The following LIFR variants were observed in gnomAD, a reference collection of about 807,000 sequenced individuals.
The protein encoded by LIFR is LIF receptor subunit alpha, also known as leukemia inhibitory factor receptor.
LIFR carries 84 observed loss-of-function variants against 122.2 expected under a neutral mutation model. The observed-to-expected ratio is 0.69, with a 90% CI of 0.58 to 0.82. The LOEUF is 0.82. Among genes scored for constraint, LIFR ranks in the 40% least tolerant of loss-of-function variants. The probability of loss-of-function intolerance (pLI) is 0.00; values close to 1 mark genes in which losing one functional copy is unlikely to be tolerated. For missense variants in LIFR, 1,294 were observed against 1,311.6 expected, an observed-to-expected ratio of 0.99 and a Z score of 0.21; for synonymous variants, 422 against 434.7, an observed-to-expected ratio of 0.97 and a Z score of 0.36.
At chr5:38,601,715 C>T (rs144283326) in intron 2 of LIFR, among the ~76,000 whole-genome samples, 1 of 152,138 alleles carries the variant, frequency 6.6e-6, no homozygotes, top group Non-Finnish European at 1.5e-5. Flanking sequence ...TTTGCGTTTC[C>T]TTTTTCACTT....
chr5:38,520,975 G>A (rs755580156), intron 5 of LIFR, among the ~76,000 whole-genome samples: 10 of 152,160 alleles, frequency 6.6e-5, no homozygotes, highest in Non-Finnish European at 1.3e-4. Context: ...TGTGGAAAAT[G>A]ACATTGGCAT....
intron 7 of LIFR, 80 bp downstream of exon 7, chr5:38,510,384 C>T (rs6451387): frequency 7.7e-7 from 1 of 1,300,494 alleles, no homozygotes; most frequent in African/African-American, 1.5e-5. Flanking sequence ...CTCCCACCCC[C>T]CCACTCCAGA....
chr5:38,540,722 T>TTTA (rs1171097591), intron 1 of LIFR, among the ~76,000 whole-genome samples: 10 of 152,016 alleles, frequency 6.6e-5, no homozygotes, highest in Non-Finnish European at 1.2e-4. Flanking sequence ...TTTAGTTTTT[T>TTTA]TTATTATTAT....
At chr5:38,490,481 A>T in intron 14 of LIFR, 190 bp from the exon 15 acceptor site, 1 of 327,778 alleles carries the variant, frequency 3.1e-6, no homozygotes, top group Non-Finnish European at 5.5e-6. Flanking sequence ...CAAAAATTAA[A>T]TTTACTTCTA....
intron 18 of LIFR, among the ~76,000 whole-genome samples, chr5:38,482,940 C>T (rs1374293655): frequency 6.6e-6 from 1 of 152,178 alleles, no homozygotes; most frequent in Non-Finnish European, 1.5e-5. Flanking sequence ...AAAATTGTGG[C>T]TGTGCCATCT....
chr5:38,476,400 A>G lies in LIFR; in HGVS notation c.*5195T>C, dbSNP rs1579981917. ...CTGAAAGTTACCCATTTAAAATGGAATAATTCTTAACGGAAGTACACTTTA... is the reference window on the plus strand; with the variant it reads ...CTGAAAGTTACCCATTTAAAATGGAGTAATTCTTAACGGAAGTACACTTTA... On this transcript the variant is annotated 3_prime_UTR_variant, in exon 20 of 20. Transcript: ENST00000453190. 2 of 208,844 alleles carry G rather than the reference A, an allele frequency of 9.6e-6. No homozygotes were observed. Among genetic ancestry groups the G allele is most frequent in the East Asian group, 1.4e-4 (2 of 13,868 alleles). The allele number at this position is 208,844 out of a possible 1,614,324, so 12.9% of individuals were successfully genotyped here.
chr5:38,528,815 T>C lies in LIFR; in HGVS notation c.168A>G (p.Val56=). 1 of 1,575,990 alleles carries C rather than the reference T, an allele frequency of 6.3e-7. No individual in the cohort carries two copies. The highest frequency in any genetic ancestry group is 8.6e-7 in the Non-Finnish European group (1 of 1,158,330). The part of the protein sequence containing the change: ...KKGAPHDLKC[V]TNNLQVWNCS... ...AGTTCCACACTTGCAAATTGTTAGT[T>C]ACACACTTCAAATCATGAGGAGCCC... The change falls in exon 3 of 20, where the codon GTA becomes GTG. Residue 56 remains valine, a synonymous_variant. Coordinates refer to ENST00000453190, the MANE Select transcript of LIFR (RefSeq NM_001127671.2).
intron 7 of LIFR, among the ~76,000 whole-genome samples, chr5:38,508,658 G>T (rs977176284): frequency 6.6e-6 from 1 of 151,852 alleles, no homozygotes; most frequent in Non-Finnish European, 1.5e-5. Context: ...CTCACTGCAA[G>T]CTCCGCCTCC....
At chr5:38,528,170 T>G (rs1039020371) in intron 3 of LIFR, among the ~76,000 whole-genome samples, 6 of 152,214 alleles carry the variant, frequency 3.9e-5, no homozygotes, top group Non-Finnish European at 8.8e-5. Flanking sequence ...CCTTTTCTGC[T>G]GAGAAAACTG....
intron 1 of LIFR, among the ~76,000 whole-genome samples, chr5:38,585,443 G>A (rs972643995): frequency 4.6e-5 from 7 of 152,152 alleles, no homozygotes; most frequent in African/African-American, 7.2e-5. Flanking sequence ...TTTGGAGGTC[G>A]CTTTAACATA....
chr5:38,580,934 GAT>G (rs1373174388), intron 1 of LIFR, among the ~76,000 whole-genome samples: 1 of 152,110 alleles, frequency 6.6e-6, no homozygotes, highest in African/African-American at 2.4e-5. Flanking sequence ...GTGGGATATG[GAT>G]TCTGGCACCC....
chr5:38,557,889 C>T (rs1182221161), upstream of LIFR: 3 of 152,128 alleles, frequency 2.0e-5, no homozygotes, highest in African/African-American at 7.2e-5. Flanking sequence ...CCCCTAAGAC[C>T]TTGTTTGGAT....
At chr5:38,570,980 T>A (rs1749190669) in intron 1 of LIFR, among the ~76,000 whole-genome samples, 1 of 152,226 alleles carries the variant, frequency 6.6e-6, no homozygotes, top group Non-Finnish European at 1.5e-5. Context: ...TGTGAGCCTC[T>A]TTTATGTACG....
At chr5:38,502,883 T>C (rs1745267401) in intron 10 of LIFR, 84 bp from the exon 11 acceptor site, 1 of 767,708 alleles carries the variant, frequency 1.3e-6, no homozygotes. Context: ...ACATACACTT[T>C]TTTTTGGTAA....
At chr5:38,566,508 C>G (rs764456981) in intron 1 of LIFR, among the ~76,000 whole-genome samples, 8 of 152,116 alleles carry the variant, frequency 5.3e-5, no homozygotes, top group Non-Finnish European at 8.8e-5. Flanking sequence ...TACTCTTGTT[C>G]ACTATTTTCC....
At chr5:38,592,757 C>A (rs1226831046) in intron 1 of LIFR, among the ~76,000 whole-genome samples, 1 of 151,100 alleles carries the variant, frequency 6.6e-6, no homozygotes, top group Non-Finnish European at 1.5e-5. Flanking sequence ...TAAACTAATA[C>A]TTTTAAAACT....
chr5:38,485,538 C>T, intron 17 of LIFR: 7 of 455,956 alleles, frequency 1.5e-5, no homozygotes, highest in South Asian at 2.6e-5. Flanking sequence ...AAATGTTGAC[C>T]GTTAGATAAA....
chr5:38,549,748 G>A (rs938800724), intron 1 of LIFR, among the ~76,000 whole-genome samples: 3 of 152,314 alleles, frequency 2.0e-5, no homozygotes, highest in Non-Finnish European at 4.4e-5. Flanking sequence ...CTGAGACTGC[G>A]CCACTGCACG....
chr5:38,568,769 G>T (rs1749112274), intron 1 of LIFR, among the ~76,000 whole-genome samples: 1 of 152,202 alleles, frequency 6.6e-6, no homozygotes, highest in Non-Finnish European at 1.5e-5. Context: ...TCAGAAGCAG[G>T]TTGAGCGTCC....
Sources: allele counts gnomAD v4.1 joint callset (sites outside exome capture counted in the v4.1 genomes callset), GRCh38; gene constraint gnomAD v4.1.1; transcripts MANE v1.5; gene names NCBI Gene and HGNC (gene_info 2026-07-23, HGNC 2026-07-21).